The following SAE1 variants were observed in gnomAD, a reference collection of about 807,000 sequenced individuals.
The protein encoded by SAE1 is SUMO1 activating enzyme subunit 1.
SAE1 carries 11 observed loss-of-function variants against 40.6 expected under a neutral mutation model. The ratio of observed to expected loss-of-function variants is 0.27; its 90% CI spans 0.17 to 0.45. The LOEUF is 0.45. Among genes scored for constraint, SAE1 ranks in the 20% least tolerant of loss-of-function variants. SAE1 has a pLI of 1.00. For synonymous variants in SAE1, 155 were observed against 154.3 expected (o/e 1.00, Z -0.03); for missense variants, 373 against 427.3 (o/e 0.87, Z 1.12).
At chr19:47,203,602 AT>A in intron 7 of SAE1, 68 bp from the exon 8 acceptor site, 1 of 1,433,912 alleles carries the variant, frequency 7.0e-7, no homozygotes, top group South Asian at 1.2e-5. Flanking sequence ...CTACTACTGA[AT>A]TTCTCCAGAT....
chr19:47,193,484 A>T (rs1025543927), intron 6 of SAE1, among the ~76,000 whole-genome samples: 1 of 151,818 alleles, frequency 6.6e-6, no homozygotes, highest in Non-Finnish European at 1.5e-5. Flanking sequence ...AGAAGAGTCA[A>T]TGGGTGTTCT....
chr19:47,156,635 C>T (rs968738390), intron 5 of SAE1, among the ~76,000 whole-genome samples: 1 of 152,000 alleles, frequency 6.6e-6, no homozygotes, highest in Admixed American at 6.6e-5. Flanking sequence ...TTTCCTGCCT[C>T]AGCCTCCCAA....
chr19:47,131,055 C>A (rs879743914), intron 1 of SAE1, 27 bp downstream of exon 1: 1 of 1,514,718 alleles, frequency 6.6e-7, no homozygotes, highest in Non-Finnish European at 8.8e-7. Context: ...CTTGAGGCCG[C>A]TAGGGTCTGG....
intron 5 of SAE1, among the ~76,000 whole-genome samples, chr19:47,165,864 G>C (rs1305785607): frequency 6.6e-6 from 1 of 152,322 alleles, no homozygotes; most frequent in Admixed American, 6.5e-5. Flanking sequence ...CAATCCCAGA[G>C]GCATTAGGAA....
chr19:47,161,437 G>A (rs1342510635), intron 5 of SAE1, among the ~76,000 whole-genome samples: 1 of 152,090 alleles, frequency 6.6e-6, no homozygotes, highest in Non-Finnish European at 1.5e-5. Context: ...GTACCAATCT[G>A]TATGCTGTTT....
At chr19:47,157,364 C>T (rs1297833257) in intron 5 of SAE1, among the ~76,000 whole-genome samples, 3 of 152,122 alleles carry the variant, frequency 2.0e-5, no homozygotes, top group Non-Finnish European at 4.4e-5. Flanking sequence ...TGTTAACAAA[C>T]GGAGGAGTAC....
At position 47,197,258 on chromosome 19, in the gene SAE1, A is replaced by G. The variant is rs1159413804; in HGVS notation, c.759A>G (p.Lys253=). The G allele has an allele frequency of 3.7e-6, 6 of 1,613,850 alleles. No homozygotes were observed. The highest frequency in any genetic ancestry group is 5.1e-6 in the Non-Finnish European group (6 of 1,179,940). The change falls in exon 7 of 9, where the codon AAA becomes AAG. Residue 253 remains lysine, a synonymous_variant. Transcript: ENST00000270225. The part of the protein sequence containing the change: ...LQVLLKFRTD[K]GRDPSSDTYE... ...TGCTCTTAAAGTTCCGTACAGATAA[A>G]GGAAGAGATCCCAGTTCTGATACAT... is the stretch of plus-strand genomic sequence containing the variant.
At chr19:47,149,785 A>T (rs1386237708) in intron 2 of SAE1, among the ~76,000 whole-genome samples, 5 of 152,166 alleles carry the variant, frequency 3.3e-5, no homozygotes, top group African/African-American at 1.2e-4. Context: ...AGGAACAGTA[A>T]TACATTTTAG....
chr19:47,155,092 C>G, intron 4 of SAE1, 22 bp from the exon 5 acceptor site: 1 of 1,411,650 alleles, frequency 7.1e-7, no homozygotes, highest in Non-Finnish European at 1.0e-6. Flanking sequence ...AAATTACATT[C>G]TCTCCCCTTG....
chr19:47,171,353 G>A (rs1327646774), intron 6 of SAE1, among the ~76,000 whole-genome samples: 3 of 151,646 alleles, frequency 2.0e-5, no homozygotes, highest in African/African-American at 7.3e-5. Context: ...GAGTGCAGTG[G>A]CACGATCTTG....
chr19:47,156,231 A>G lies in SAE1; in HGVS notation c.627+1018A>G, dbSNP rs117788309. Among the ~76,000 whole-genome samples the G allele has an allele frequency of 2.9e-3, 445 of 151,424 alleles. 18 individuals are homozygous for G. In the East Asian group the frequency reaches 0.076, roughly 26 times the overall value. On this transcript the variant is annotated intron_variant, in intron 5 of 8. Transcript: ENST00000270225. The stretch of plus-strand genomic sequence containing the variant: ...GGCTGCAGTGAGCCATGGTCACACC[A>G]CTGCACCCCAACCTGGGCCACCTAG...
At position 47,180,377 on chromosome 19, in the gene SAE1, C is replaced by A. The variant is rs371801413; in HGVS notation, c.733+10454C>A. ...GAATGATAGGGGCATGTCAAAAGAA[C>A]AAGAAGAATAATCAATTAATGTAAA... is the stretch of plus-strand genomic sequence containing the variant. On this transcript the variant is annotated intron_variant, in intron 6 of 8. Transcript: ENST00000270225. 14 of 396,822 alleles carry A rather than the reference C, an allele frequency of 3.5e-5. 1 individual carries two copies. Among genetic ancestry groups the A allele is most frequent in the Non-Finnish European group, 6.0e-5 (12 of 199,218 alleles). 24.6% of individuals were successfully genotyped at this position (396,822 alleles called of 1,614,324 possible).
intron 6 of SAE1, among the ~76,000 whole-genome samples, chr19:47,178,210 TC>T (rs35592429): frequency 0.27 from 40,339 of 151,094 alleles, 5,484 homozygotes; most frequent in South Asian, 0.42. Context: ...GCCACTGCAC[TC>T]CAGCCTGACG....
Position 47,150,199 on chromosome 19 carries a change from T to G in SAE1, c.211-3T>G. On this transcript the variant is annotated splice_region_variant and splice_polypyrimidine_tract_variant and intron_variant, in intron 2 of 8. Coordinates refer to ENST00000270225, the MANE Select transcript of SAE1 (RefSeq NM_005500.3). Reference sequence around the variant, plus strand: ...CTTAAAAAAATATGTGTATTATTCCTAGGTAACTCCAGAAGATCCCGGAGC... The same window carrying G: ...CTTAAAAAAATATGTGTATTATTCCGAGGTAACTCCAGAAGATCCCGGAGC... The G allele has an allele frequency of 4.5e-6, 7 of 1,569,908 alleles. No homozygotes were observed. Among genetic ancestry groups the G allele is most frequent in the Non-Finnish European group, 6.0e-6 (7 of 1,161,230 alleles).
intron 1 of SAE1, among the ~76,000 whole-genome samples, chr19:47,140,773 T>C (rs1418477548): frequency 2.6e-5 from 4 of 152,090 alleles, no homozygotes; most frequent in African/African-American, 4.8e-5. Context: ...TCAATCTGGG[T>C]TCACAGAATG....
intron 6 of SAE1, among the ~76,000 whole-genome samples, chr19:47,172,561 G>A (rs1047068724): frequency 2.0e-5 from 3 of 151,962 alleles, no homozygotes; most frequent in African/African-American, 4.8e-5. Flanking sequence ...AAAATTAGCC[G>A]GATGAGGTGG....
At chr19:47,208,324 A>G (rs1332640791) in intron 8 of SAE1, among the ~76,000 whole-genome samples, 1 of 152,050 alleles carries the variant, frequency 6.6e-6, no homozygotes, top group Non-Finnish European at 1.5e-5. Context: ...TAGTGGCACT[A>G]TTACAGCTCA....
rs1472814813 is a variant in SAE1 at position 47,154,994 on chromosome 19, T to C, written c.528-120T>C. 1.6e-5 allele frequency: 11 copies of C among 679,188 alleles called. No homozygotes were observed. The Admixed American group carries it at 2.6e-4, about 16-fold the overall frequency. The allele number at this position is 679,188 out of a possible 1,614,324, so 42.1% of individuals were successfully genotyped here. On this transcript the variant is annotated intron_variant, in intron 4 of 8. Coordinates refer to ENST00000270225, the MANE Select transcript of SAE1 (RefSeq NM_005500.3). ...GCAGAGCTCGATTTGAACCGAGATC[T>C]GACTCCAAAGCTTTTGCCCTTAACC...
intron 3 of SAE1, among the ~76,000 whole-genome samples, chr19:47,152,410 G>A (rs535618408): frequency 4.3e-4 from 66 of 152,290 alleles, no homozygotes; most frequent in Middle Eastern, 3.4e-3. Flanking sequence ...GATCTCAACA[G>A]GACTTGTTTA....
Sources: allele counts gnomAD v4.1 joint callset (sites outside exome capture counted in the v4.1 genomes callset), GRCh38; gene constraint gnomAD v4.1.1; transcripts MANE v1.5; gene names NCBI Gene and HGNC (gene_info 2026-07-23, HGNC 2026-07-21).